The following CACNA1H variants were observed in gnomAD, a reference collection of about 807,000 sequenced individuals.
The protein encoded by CACNA1H is voltage-dependent T-type calcium channel subunit alpha-1H.
A neutral mutation model predicts 192.5 loss-of-function variants in CACNA1H; 149 were observed. The ratio of observed to expected loss-of-function variants is 0.77; its 90% CI spans 0.68 to 0.89. CACNA1H has a LOEUF of 0.89. CACNA1H is among the 40% of genes least tolerant of loss of function. CACNA1H has a pLI of 0.00. For missense variants in CACNA1H, 4,257 were observed against 3,423.5 expected (o/e 1.24, Z -6.08); for synonymous variants, 2,202 against 1,475.2 (o/e 1.49, Z -11.29).
Position 1,201,734 on chromosome 16 carries a change from G to A in CACNA1H, c.1284G>A (p.Arg428=). The part of the protein sequence containing the change: ...IATQFSETKQ[R]ESQLMREQRA... ...CGCAGTTCTCGGAGACGAAGCAGCG[G>A]GAGAGTCAGCTGATGCGGGAGCAGC... The change falls in exon 9 of 35, where the codon CGG becomes CGA. Residue 428 remains arginine (R), a synonymous_variant. Coordinates refer to ENST00000348261, the MANE Select transcript of CACNA1H (RefSeq NM_021098.3). 1 of 1,610,728 alleles carries A rather than the reference G, an allele frequency of 6.2e-7. No individual in the cohort carries two copies. Among genetic ancestry groups the A allele is most frequent in the South Asian group, 1.1e-5 (1 of 90,616 alleles).
At chr16:1,216,863 T>C (rs565178207) in intron 30 of CACNA1H, 69 bp from the exon 31 acceptor site, 4 of 1,274,530 alleles carry the variant, frequency 3.1e-6, no homozygotes, top group South Asian at 2.5e-5. Flanking sequence ...AGGCGCCGAG[T>C]GCCCTGCAGG....
At chr16:1,216,348 C>T (rs1188895368) in intron 30 of CACNA1H, among the ~76,000 whole-genome samples, 1 of 152,252 alleles carries the variant, frequency 6.6e-6, no homozygotes, top group Non-Finnish European at 1.5e-5. Flanking sequence ...CTCAGCTGTG[C>T]AGAGAAGGGG....
chr16:1,170,650 C>T (rs900899418), intron 2 of CACNA1H, among the ~76,000 whole-genome samples: 1 of 152,154 alleles, frequency 6.6e-6, no homozygotes. Context: ...ATTGTCATGC[C>T]GACCGAGTTT....
At position 1,186,711 on chromosome 16, in the gene CACNA1H, T is replaced by G. The variant is rs557508248; in HGVS notation, c.300-8261T>G. On this transcript the variant is annotated intron_variant, in intron 2 of 34. Transcript: ENST00000348261. ...TCCCGATGCCCGTGGCACCACCGCC[T>G]CCTCAACGGGTGGCCACGTAATGCT... 2.6e-3 allele frequency among the ~76,000 whole-genome samples: 398 copies of G among 152,066 alleles called. 4 individuals are homozygous for G. Among genetic ancestry groups the G allele is most frequent in the African/African-American group, 9.2e-3 (380 of 41,432 alleles).
Position 1,200,329 on chromosome 16 carries a change from T to A in CACNA1H, c.877T>A (p.Ser293Thr). Residue 293 changes from serine to threonine, a missense_variant, in exon 7 of 35, where the codon TCA becomes ACA. Physicochemically the swap from Ser to Thr is moderately conservative, Grantham distance 58. Coordinates refer to ENST00000348261, the MANE Select transcript of CACNA1H (RefSeq NM_021098.3). The stretch of plus-strand genomic sequence containing the variant: ...CGAGGAGAACCCGTTCATCTGCTCC[T>A]CACGCCGAGACAACGGCATGCAGAA... Reference protein sequence around the residue: ...EGEENPFICSSRRDNGMQKCS... With the variant: ...EGEENPFICSTRRDNGMQKCS... 2 of 1,604,214 alleles carry A rather than the reference T, an allele frequency of 1.2e-6. No individual in the cohort carries two copies. The highest frequency in any genetic ancestry group is 1.7e-6 in the Non-Finnish European group (2 of 1,176,070).
chr16:1,205,753 C>T (rs867344420), intron 11 of CACNA1H, among the ~76,000 whole-genome samples: 1 of 152,192 alleles, frequency 6.6e-6, no homozygotes, highest in African/African-American at 2.4e-5. Context: ...CAGGGTCTCC[C>T]ATCCTGGGGC....
intron 2 of CACNA1H, 103 bp from the exon 3 acceptor site, chr16:1,194,869 G>A (rs931710336): frequency 1.3e-5 from 11 of 827,018 alleles, no homozygotes; most frequent in East Asian, 7.6e-5. Context: ...CCCCACGCGC[G>A]CACACCCGTG....
In CACNA1H at chr16:1,202,383, G is replaced by T; in HGVS notation, c.1933G>T (p.Gly645Trp). Residue 645 changes from glycine to tryptophan, a missense_variant, in exon 9 of 35, where the codon GGG becomes TGG. Gly to Trp is a radical substitution (Grantham distance 184, BLOSUM62 -2). Transcript: ENST00000348261. ...GGCCGGTGGACCGCCAGGCACCGGG[G>T]GGCACGGCCCGTTGAGCTTGAACAG... ...KWAGGPPGTG[G>W]HGPLSLNSPD... 1.3e-6 allele frequency: 2 copies of T among 1,551,416 alleles called. No homozygotes were observed. Among genetic ancestry groups the T allele is most frequent in the South Asian group, 2.4e-5 (2 of 83,698 alleles).
chr16:1,164,876 G>A (rs1031539491), intron 2 of CACNA1H, among the ~76,000 whole-genome samples: 53 of 152,214 alleles, frequency 3.5e-4, no homozygotes, highest in African/African-American at 1.0e-3. Flanking sequence ...CCGTGGCCCC[G>A]TTTGGGTTTT....
intron 27 of CACNA1H, 121 bp downstream of exon 27, chr16:1,214,052 A>ATG: frequency 1.2e-6 from 1 of 855,906 alleles, no homozygotes; most frequent in Admixed American, 2.3e-5. Context: ...TTGCGTGGGG[A>ATG]TGTGGGGTTT....
At chr16:1,215,663 C>T (rs1282514931) in intron 30 of CACNA1H, 70 bp downstream of exon 30, 14 of 1,186,746 alleles carry the variant, frequency 1.2e-5, no homozygotes, top group Non-Finnish European at 1.7e-5. Flanking sequence ...GCCTCGCCGT[C>T]CCCCTCTCCC....
rs779272570 is a variant in CACNA1H, at chr16:1,210,958, C to A, written c.4210C>A (p.Leu1404Met). The A allele has an allele frequency of 1.3e-6, 2 of 1,596,720 alleles. No individual in the cohort carries two copies. Among genetic ancestry groups the A allele is most frequent in the Non-Finnish European group, 1.7e-6 (2 of 1,177,342 alleles). Reference sequence around the variant, plus strand: ...GCGCGTGCTGCGTCTGCTGCGGACCCTGCGGCCTCTGAGGTGGGGGGCTCC... The same window carrying A: ...GCGCGTGCTGCGTCTGCTGCGGACCATGCGGCCTCTGAGGTGGGGGGCTCC... Reference protein sequence around the residue: ...VLRVLRLLRTLRPLRVISRAP... With the variant: ...VLRVLRLLRTMRPLRVISRAP... The change falls in exon 21 of 35, where the codon CTG (leucine) becomes ATG (methionine). Residue 1404 changes from leucine (L) to methionine (M), a missense_variant. Coordinates refer to ENST00000348261, the MANE Select transcript of CACNA1H (RefSeq NM_021098.3).
At chr16:1,189,102 G>A (rs914303057) in intron 2 of CACNA1H, among the ~76,000 whole-genome samples, 4 of 152,228 alleles carry the variant, frequency 2.6e-5, no homozygotes, top group African/African-American at 4.8e-5. Flanking sequence ...AGGCTGGGGG[G>A]CTGCCTTTGT....
At position 1,196,043 on chromosome 16, in the gene CACNA1H, T is replaced by C; in HGVS notation, c.643+20T>C. 1.3e-6 allele frequency: 2 copies of C among 1,596,984 alleles called. No individual in the cohort carries two copies. The highest frequency in any genetic ancestry group is 1.7e-6 in the Non-Finnish European group (2 of 1,165,390). On this transcript the variant is annotated intron_variant, in intron 5 of 34. Transcript: ENST00000348261. ...TGCCTAGTAAGTGACCGGCCCCGAC[T>C]GGGCTTGAGATCAACAGGCTTGCGT... is the stretch of plus-strand genomic sequence containing the variant.
chr16:1,183,857 C>T (rs1204828583), intron 2 of CACNA1H, among the ~76,000 whole-genome samples: 3 of 152,274 alleles, frequency 2.0e-5, no homozygotes, highest in East Asian at 3.8e-4. Flanking sequence ...CTGCAAACAT[C>T]TGGCTCCAGA....
At chr16:1,168,988 G>A (rs1445044982) in intron 2 of CACNA1H, among the ~76,000 whole-genome samples, 2 of 152,146 alleles carry the variant, frequency 1.3e-5, no homozygotes, top group Non-Finnish European at 2.9e-5. Flanking sequence ...GGAGTCTTAG[G>A]GTGATGCCAG....
intron 17 of CACNA1H, 69 bp from the exon 18 acceptor site, chr16:1,209,966 A>G (rs1969226747): frequency 8.4e-7 from 1 of 1,193,624 alleles, no homozygotes; most frequent in Admixed American, 2.1e-5. Context: ...CGAGCTGAGC[A>G]CAGAGGGCCC....
intron 6 of CACNA1H, among the ~76,000 whole-genome samples, chr16:1,200,047 C>G (rs945854389): frequency 2.6e-5 from 4 of 152,284 alleles, no homozygotes; most frequent in Non-Finnish European, 2.9e-5. Flanking sequence ...GACCCTGGTC[C>G]TGGCTGTGTC....
In CACNA1H at chr16:1,217,915, G is replaced by A. The variant is rs57687113; in HGVS notation, c.5324-4G>A. The stretch of plus-strand genomic sequence containing the variant: ...CTGACCGGGCGGGGTCTCCCTCCCC[G>A]CAGAGTGCAGTGAAGACAACCCCTG... On this transcript the variant is annotated splice_region_variant and splice_polypyrimidine_tract_variant and intron_variant, in intron 31 of 34. Coordinates refer to ENST00000348261, the MANE Select transcript of CACNA1H (RefSeq NM_021098.3). 1,652 of 1,598,276 alleles carry A rather than the reference G, an allele frequency of 1.0e-3. 12 individuals are homozygous for A. In the African/African-American group the frequency reaches 0.018, roughly 17 times the overall value.
Sources: allele counts gnomAD v4.1 joint callset (sites outside exome capture counted in the v4.1 genomes callset), GRCh38; gene constraint gnomAD v4.1.1; transcripts MANE v1.5; gene names NCBI Gene and HGNC (gene_info 2026-07-23, HGNC 2026-07-21).